The following PHF19 variants were observed in gnomAD, a reference collection of about 807,000 sequenced individuals.
PHF19 encodes PHD finger protein 19, also known as polycomb like 3.
Under a neutral mutation model 79.8 loss-of-function variants are expected in PHF19, and 21 were observed. The observed-to-expected ratio is 0.26, with a 90% CI of 0.19 to 0.38. The LOEUF is 0.38. PHF19 is among the 10% of genes least tolerant of loss of function. The probability of loss-of-function intolerance (pLI) is 1.00; values close to 1 mark genes in which losing one functional copy is unlikely to be tolerated. For synonymous variants in PHF19, 273 were observed against 296.3 expected (o/e 0.92, Z 0.81); for missense variants, 445 against 744.2 (o/e 0.60, Z 4.68).
chr9:120,900,034 T>C, the PHF19 span, among the ~76,000 whole-genome samples: 179 of 152,350 alleles, frequency 1.2e-3, no homozygotes, highest in African/African-American at 4.0e-3. Context: ...TCACCCAGGC[T>C]GAAGTGCAGT....
chr9:120,872,037 C>CAGAAAAAAAA (rs1491425777), intron 3 of PHF19, among the ~76,000 whole-genome samples: 1 of 30,322 alleles, frequency 3.3e-5, no homozygotes, highest in African/African-American at 1.3e-4. Context: ...GACTCTGTCT[C>CAGAAAAAAAA]AAAAAAAAAA....
chr9:120,895,377 G>C (rs1460171216), upstream of PHF19, among the ~76,000 whole-genome samples: 1 of 150,954 alleles, frequency 6.6e-6, no homozygotes, highest in African/African-American at 2.4e-5. Flanking sequence ...GATTCAGCCT[G>C]AGTTCGAGAC....
rs779922894 is a variant in PHF19, at chr9:120,860,152, G to A, written c.1338C>T (p.Val446=). 19 of 1,597,480 alleles carry A rather than the reference G, an allele frequency of 1.2e-5. No individual in the cohort carries two copies. The highest frequency in any genetic ancestry group is 1.7e-4 in the Middle Eastern group (1 of 5,970). ...ASSGQTFFSD[V]DSTDAASTSG... ...AGGTGCTGGCAGCGTCGGTGGAGTCGACATCTGAGAAGAAGGTCTGGCCTG... is the reference window on the plus strand; with the variant it reads ...AGGTGCTGGCAGCGTCGGTGGAGTCAACATCTGAGAAGAAGGTCTGGCCTG... The change falls in exon 14 of 15, where the codon GTC becomes GTT. Residue 446 remains valine, a synonymous_variant. Transcript: ENST00000373896. The surrounding 1 kb of genome is among the most constrained non-coding windows in gnomAD (Gnocchi z 4.1).
At chr9:120,889,618 G>C (rs962303162) in intron 1 of PHF19, among the ~76,000 whole-genome samples, 2 of 152,004 alleles carry the variant, frequency 1.3e-5, no homozygotes, top group African/African-American at 4.8e-5. Context: ...GCAGGCGCCT[G>C]TAGTCCCAGC....
chr9:120,860,018 G>C lies in PHF19; in HGVS notation c.1400+72C>G. The C allele has an allele frequency of 1.3e-6, 1 of 779,982 alleles. No individual in the cohort carries two copies. The highest frequency in any genetic ancestry group is 2.3e-6 in the Non-Finnish European group (1 of 443,280). The allele number at this position is 779,982 out of a possible 1,614,324, so 48.3% of individuals were successfully genotyped here. A position where few individuals can be genotyped will look rare whatever the true frequency, so the allele number is the denominator to read the frequency against. On this transcript the variant is annotated intron_variant, in intron 14 of 14. Coordinates refer to ENST00000373896, the MANE Select transcript of PHF19 (RefSeq NM_015651.3). The surrounding 1 kb of genome is among the most constrained non-coding windows in gnomAD (Gnocchi z 4.1). The stretch of plus-strand genomic sequence containing the variant: ...ATAGAATGAGCCACACATTACAGAA[G>C]TGGGAGGTGGAGGGGCTGAGAGGAA...
intron 9 of PHF19, among the ~76,000 whole-genome samples, chr9:120,865,312 G>A (rs188586786): frequency 1.2e-4 from 19 of 152,308 alleles, no homozygotes; most frequent in Admixed American, 1.0e-3. Flanking sequence ...CTGACATTCC[G>A]AAAGTCTCCG....
At chr9:120,868,860 G>C in intron 6 of PHF19, 1 of 1,097,414 alleles carries the variant, frequency 9.1e-7, no homozygotes, top group African/African-American at 1.7e-5. Flanking sequence ...GCCTCCCGAG[G>C]CCTCGCCCCA....
intron 1 of PHF19, among the ~76,000 whole-genome samples, chr9:120,876,612 G>C (rs1356546865): frequency 6.6e-6 from 1 of 152,148 alleles, no homozygotes; most frequent in East Asian, 1.9e-4. Context: ...GGCAGGAAGC[G>C]AGGATGATTC....
Position 120,869,109 on chromosome 9 carries a change from C to CTA in PHF19, c.614+71_614+72dup. On this transcript the variant is annotated intron_variant, in intron 6 of 14. Transcript: ENST00000373896. The surrounding 1 kb of genome is among the most constrained non-coding windows in gnomAD (Gnocchi z 5.8). ...TTGGCTGACACGCCAGGCTCGCTCC[C>CTA]TATGGGCGGTCCCTGCTGGCGATTC... 8.8e-6 allele frequency: 13 copies of CTA among 1,481,328 alleles called. No homozygotes were observed. The highest frequency in any genetic ancestry group is 1.2e-5 in the Non-Finnish European group (13 of 1,102,516). 91.8% of individuals were successfully genotyped at this position (1,481,328 alleles called of 1,614,324 possible).
chr9:120,897,195 A>G (rs949939750), upstream of PHF19, among the ~76,000 whole-genome samples: 2 of 152,244 alleles, frequency 1.3e-5, no homozygotes, highest in Non-Finnish European at 1.5e-5. Flanking sequence ...TGAGACCCCC[A>G]TTGGCAGGGA....
chr9:120,864,095 CTG>C lies in PHF19; in HGVS notation c.920_921del (p.Thr307ArgfsTer14), dbSNP rs1294762348. ...GCGTTGAGGAGATGTGGTCCTCGAT[CTG>C]TCACTGGGGTGCTGGTGAGCTGTGG... Reference protein sequence around the residue: ...QLGKLTSTPVTDRGPHLLNAL... With the variant: ...QLGKLTSTPVXDRGPHLLNAL... On this transcript the variant is annotated frameshift_variant, in exon 10 of 15. Transcript: ENST00000373896. LOFTEE classifies it high-confidence loss of function. The C allele has an allele frequency of 6.2e-7, 1 of 1,613,968 alleles. No homozygotes were observed. Among genetic ancestry groups the C allele is most frequent in the Non-Finnish European group, 8.5e-7 (1 of 1,179,920 alleles).
Position 120,874,676 on chromosome 9 carries a change from G to A in PHF19, c.66C>T (p.Asn22=). ...TCTTGACCTTCGCCAGGGCCCCCTT[G>A]TTGGGGAGGTGGCTGGTGGCACCAT... is the stretch of plus-strand genomic sequence containing the variant. ...DSYGATSHLP[N]KGALAKVKNN... is the part of the protein sequence containing the mutation. The change falls in exon 2 of 15, where the codon AAC becomes AAT. Residue 22 remains asparagine, a synonymous_variant. Transcript: ENST00000373896. This position sits in a 1 kb window ranked among gnomAD's most constrained non-coding sequence, Gnocchi z 4.5. 1 of 1,613,450 alleles carries A rather than the reference G, an allele frequency of 6.2e-7. No individual in the cohort carries two copies. The highest frequency in any genetic ancestry group is 8.5e-7 in the Non-Finnish European group (1 of 1,179,352).
chr9:120,876,832 AT>A (rs2046075307), intron 1 of PHF19: 1 of 245,318 alleles, frequency 4.1e-6, no homozygotes, highest in Non-Finnish European at 6.5e-6. Flanking sequence ...CCCCACCCCG[AT>A]AGGAAAATTA....
Position 120,860,004 on chromosome 9 carries a change from C to G in PHF19, c.1400+86G>C. On this transcript the variant is annotated intron_variant, in intron 14 of 14. Coordinates refer to ENST00000373896, the MANE Select transcript of PHF19 (RefSeq NM_015651.3). This position sits in a 1 kb window ranked among gnomAD's most constrained non-coding sequence, Gnocchi z 4.1. ...AGAGACTGAGACACATAGAATGAGC[C>G]ACACATTACAGAAGTGGGAGGTGGA... 1 of 740,478 alleles carries G rather than the reference C, an allele frequency of 1.4e-6. No homozygotes were observed. The highest frequency in any genetic ancestry group is 2.4e-6 in the Non-Finnish European group (1 of 409,856). 45.9% of individuals were successfully genotyped at this position (740,478 alleles called of 1,614,324 possible).
intron 1 of PHF19, among the ~76,000 whole-genome samples, chr9:120,892,913 G>A (rs978983430): frequency 1.3e-5 from 2 of 152,202 alleles, no homozygotes. Context: ...AATGAGGGCA[G>A]GATGGTAGAG....
upstream of PHF19, chr9:120,877,459 G>C: frequency 1.5e-6 from 1 of 651,636 alleles, no homozygotes; most frequent in African/African-American, 2.2e-5. Context: ...CCGCCCCGCG[G>C]GCGCGCATCC....
At chr9:120,881,871 C>T (rs887980177), upstream of PHF19, among the ~76,000 whole-genome samples, 6 of 152,222 alleles carry the variant, frequency 3.9e-5, no homozygotes, top group African/African-American at 1.4e-4. Context: ...AAGCAATTCT[C>T]CTGCCTCAGC....
At chr9:120,895,002 T>C (rs191716593), upstream of PHF19, 2 of 372,568 alleles carry the variant, frequency 5.4e-6, no homozygotes, top group Non-Finnish European at 9.5e-6. Flanking sequence ...GACCTTCTCT[T>C]GTATTTGTGT....
Position 120,857,726 on chromosome 9 carries a change from C to A in PHF19, c.*218G>T. On this transcript the variant is annotated 3_prime_UTR_variant, in exon 15 of 15. Transcript: ENST00000373896. ...GGTGTGGAGTGTGTAGAGACACAGG[C>A]ACAGGGGTAACGAGCCTGAGGAGGC... 1 of 509,380 alleles carries A rather than the reference C, an allele frequency of 2.0e-6. No homozygotes were observed. 31.6% of individuals were successfully genotyped at this position (509,380 alleles called of 1,614,324 possible).
Sources: allele counts gnomAD v4.1 joint callset (sites outside exome capture counted in the v4.1 genomes callset), GRCh38; gene constraint gnomAD v4.1.1; non-coding constraint Gnocchi (gnomAD v3.1); transcripts MANE v1.5; gene names NCBI Gene and HGNC (gene_info 2026-07-23, HGNC 2026-07-21).